Variants in PI4KB observed in about 807,000 individuals in gnomAD.
PI4KB encodes the protein PtdIns 4-kinase beta.
A neutral mutation model predicts 81.4 loss-of-function variants in PI4KB; 23 were observed. The ratio of observed to expected loss-of-function variants is 0.28; its 90% CI spans 0.20 to 0.40. The LOEUF is 0.40. Ranked by LOEUF, PI4KB falls within the 10% of genes least tolerant of loss-of-function variation. The pLI is 1.00. For synonymous variants in PI4KB, 381 were observed against 406.8 expected, an observed-to-expected ratio of 0.94 and a Z score of 0.76; for missense variants, 651 against 1,036.6, an observed-to-expected ratio of 0.63 and a Z score of 5.11.
Position 151,292,192 on chromosome 1 carries a change from C to T in PI4KB, c.*660G>A, listed in dbSNP as rs1482054575. 1 of 152,266 alleles carries T rather than the reference C, an allele frequency of 6.6e-6. No homozygotes were observed. Among genetic ancestry groups the T allele is most frequent in the Non-Finnish European group, 1.5e-5 (1 of 68,056 alleles). The allele number at this position is 152,266 out of a possible 1,614,324, so 9.4% of individuals were successfully genotyped here. A position where few individuals can be genotyped will look rare whatever the true frequency, so the allele number is the denominator to read the frequency against. On this transcript the variant is annotated 3_prime_UTR_variant, in exon 12 of 12. Transcript: ENST00000368873. ...AAATAAAAAATTGAGAGCTCTTTTC[C>T]CTGGGTTTGGGGAAGGAGTCAGGGT...
At chr1:151,316,598 A>G (rs1647983267) in intron 1 of PI4KB, 89 bp from the exon 2 acceptor site, 7 of 869,904 alleles carry the variant, frequency 8.0e-6, no homozygotes, top group Non-Finnish European at 1.2e-5. Context: ...TCCCTTTGCT[A>G]TGACACCTTC....
In PI4KB at chr1:151,298,998, T is replaced by TTCG; in HGVS notation, c.1824_1825insCGA (p.Gly608_Met609insArg). The stretch of plus-strand genomic sequence containing the variant: ...ACAGCATTGACCACTGGTTCAATCA[T>TTCG]GCCACTATCAGCCGAAATCACAAGA... On this transcript the variant is annotated inframe_insertion, in exon 9 of 12. Transcript: ENST00000368873. 6.2e-7 allele frequency: 1 copy of TTCG among 1,614,150 alleles called. No homozygotes were observed. The highest frequency in any genetic ancestry group is 8.5e-7 in the Non-Finnish European group (1 of 1,179,982).
chr1:151,307,061 T>A (rs12124363), intron 4 of PI4KB, among the ~76,000 whole-genome samples: 2,088 of 151,780 alleles, frequency 0.014, 19 homozygotes, highest in Middle Eastern at 0.041. Context: ...CGCAATAGAG[T>A]GAGACTCCAT....
chr1:151,324,237 G>C (rs12082248), intron 1 of PI4KB, among the ~76,000 whole-genome samples: 1 of 152,062 alleles, frequency 6.6e-6, no homozygotes, highest in Middle Eastern at 3.2e-3. Flanking sequence ...CTGGGATTAC[G>C]GGCATGAGCC....
In PI4KB at chr1:151,315,798, T is replaced by C. The variant is rs532494853; in HGVS notation, c.684A>G (p.Gln228=). 16 of 1,612,914 alleles carry C rather than the reference T, an allele frequency of 9.9e-6. No homozygotes were observed. The highest frequency in any genetic ancestry group is 1.7e-4 in the Middle Eastern group (1 of 6,054). The change falls in exon 2 of 12, where the codon CAA becomes CAG. Residue 228 remains glutamine (Q), a synonymous_variant. Transcript: ENST00000368873. The part of the protein sequence containing the change: ...AYSSDMHIST[Q]RHSRGTKLRK... The stretch of plus-strand genomic sequence containing the variant: ...GTAGCTTGGTCCCACGGGAGTGTCG[T>C]TGAGTGGAAATGTGCATGTCTGAAG...
chr1:151,318,070 C>T (rs960799145), intron 1 of PI4KB, among the ~76,000 whole-genome samples: 1 of 152,194 alleles, frequency 6.6e-6, no homozygotes, highest in African/African-American at 2.4e-5. Flanking sequence ...GCCTCAGCCT[C>T]CCAAAGCACT....
At chr1:151,303,321 G>A (rs1312837564) in intron 6 of PI4KB, 3 of 495,322 alleles carry the variant, frequency 6.1e-6, no homozygotes, top group Non-Finnish European at 1.1e-5. Context: ...TCATCCCTTT[G>A]GAGTCTTTTT....
chr1:151,299,478 T>C (rs1248223346), intron 8 of PI4KB, among the ~76,000 whole-genome samples: 2 of 152,064 alleles, frequency 1.3e-5, no homozygotes, highest in Admixed American at 1.3e-4. Context: ...GGTCAGGAGT[T>C]CAAGACCAGC....
At chr1:151,310,796 G>A (rs1300314549) in intron 2 of PI4KB, among the ~76,000 whole-genome samples, 1 of 152,030 alleles carries the variant, frequency 6.6e-6, no homozygotes, top group Non-Finnish European at 1.5e-5. Context: ...TCTCTAATTA[G>A]CCTCATTATC....
At chr1:151,326,027 C>G in intron 1 of PI4KB, 1 of 802,406 alleles carries the variant, frequency 1.2e-6, no homozygotes, top group South Asian at 1.5e-5. Context: ...GGCCTGAATT[C>G]TTATGGAACC....
At chr1:151,306,930 C>G (rs1417638119) in intron 4 of PI4KB, among the ~76,000 whole-genome samples, 2 of 152,172 alleles carry the variant, frequency 1.3e-5, no homozygotes, top group Non-Finnish European at 2.9e-5. Context: ...CAAAAATTAG[C>G]CGGGTGTGGT....
chr1:151,326,269 T>C, intron 1 of PI4KB: 1 of 1,347,964 alleles, frequency 7.4e-7, no homozygotes, highest in Non-Finnish European at 1.0e-6. Context: ...CTTCAAAACT[T>C]GCTCCGGCCT....
Position 151,294,013 on chromosome 1 carries a change from C to T in PI4KB, c.2269+5G>A. ...CTATAGCACCTGACCTCACCCCAGCCCCACCTTGCTGCATGATCTCCACGA... is the reference window on the plus strand; with the variant it reads ...CTATAGCACCTGACCTCACCCCAGCTCCACCTTGCTGCATGATCTCCACGA... On this transcript the variant is annotated splice_donor_5th_base_variant and intron_variant, in intron 11 of 11. Coordinates refer to ENST00000368873, the MANE Select transcript of PI4KB (RefSeq NM_001369623.2). 1 of 1,614,022 alleles carries T rather than the reference C, an allele frequency of 6.2e-7. No homozygotes were observed. Among genetic ancestry groups the T allele is most frequent in the Non-Finnish European group, 8.5e-7 (1 of 1,179,942 alleles).
At chr1:151,309,622 C>A (rs1696045943) in intron 3 of PI4KB, among the ~76,000 whole-genome samples, 1 of 152,094 alleles carries the variant, frequency 6.6e-6, no homozygotes, top group African/African-American at 2.4e-5. Flanking sequence ...GATTAAGGAA[C>A]ATCCTGGGCA....
intron 2 of PI4KB, among the ~76,000 whole-genome samples, chr1:151,310,900 G>A (rs2101973879): frequency 6.6e-6 from 1 of 152,294 alleles, no homozygotes; most frequent in South Asian, 2.1e-4. Flanking sequence ...GCTGATGGGA[G>A]TGAAGGATAA....
At chr1:151,314,068 TTTACCA>T (rs1444563368) in intron 2 of PI4KB, among the ~76,000 whole-genome samples, 1 of 152,266 alleles carries the variant, frequency 6.6e-6, no homozygotes, top group Non-Finnish European at 1.5e-5. Context: ...CACTTTTAGC[TTTACCA>T]TTATTAAACT....
chr1:151,298,816 G>A lies in PI4KB; in HGVS notation c.2007C>T (p.Val669=). ...CAGCAGAAGTCACCTACCTGTCCTT[G>A]ACTTGCAGCAGGTAGCAGACCAAGC... ...GYCLVCYLLQ[V]KDRHNGNILL... The change falls in exon 9 of 12, where the codon GTC becomes GTT. Residue 669 remains valine, a synonymous_variant. Transcript: ENST00000368873. 1 of 1,612,142 alleles carries A rather than the reference G, an allele frequency of 6.2e-7. No homozygotes were observed. The highest frequency in any genetic ancestry group is 8.5e-7 in the Non-Finnish European group (1 of 1,178,602).
intron 5 of PI4KB, among the ~76,000 whole-genome samples, chr1:151,304,556 G>A (rs1398859391): frequency 1.3e-5 from 2 of 151,808 alleles, no homozygotes; most frequent in Admixed American, 6.6e-5. Flanking sequence ...TGTTAGTCAG[G>A]CTGTTCTTGA....
intron 4 of PI4KB, among the ~76,000 whole-genome samples, chr1:151,306,637 T>A (rs1409154988): frequency 1.3e-5 from 2 of 152,208 alleles, no homozygotes; most frequent in East Asian, 3.8e-4. Flanking sequence ...CACTCTAGAC[T>A]ATCAATTACA....
Sources: gnomAD v4.1 joint callset for allele counts (sites outside exome capture counted in the v4.1 genomes callset) on GRCh38, gnomAD v4.1.1 for gene constraint, MANE v1.5 for transcripts, NCBI Gene and HGNC (gene_info 2026-07-23, HGNC 2026-07-21) for gene names.